Variants in ARPC2 observed in about 807,000 individuals in gnomAD.
ARPC2 encodes the protein actin related protein 2/3 complex subunit 2, also known as actin-related protein 2/3 complex subunit 2.
Under a neutral mutation model 38.6 loss-of-function variants are expected in ARPC2, and 4 were observed. That is an observed-to-expected ratio of 0.10 (90% CI 0.05 to 0.24). The LOEUF is 0.24. ARPC2 is among the 10% of genes least tolerant of loss of function. The pLI, the probability that ARPC2 is intolerant of heterozygous loss-of-function variation, is 1.00. For missense variants in ARPC2, 229 were observed against 387.3 expected (o/e 0.59, Z 3.43); for synonymous variants, 125 against 140.8 (o/e 0.89, Z 0.79).
rs1689274380 is a variant in ARPC2, at chr2:218,217,368, C to T, written c.-8-95C>T. On this transcript the variant is annotated intron_variant, in intron 1 of 10. Coordinates refer to ENST00000315717, the MANE Select transcript of ARPC2 (RefSeq NM_152862.3). Reference sequence around the variant, plus strand: ...CTTCTCCCCTAACCTCCTACCCCACCCAGCCCCACTCAGGGGGCAGCAGGG... The same window carrying T: ...CTTCTCCCCTAACCTCCTACCCCACTCAGCCCCACTCAGGGGGCAGCAGGG... 9.4e-6 allele frequency: 11 copies of T among 1,164,798 alleles called. No homozygotes were observed. In the East Asian group the frequency reaches 1.6e-4, roughly 17 times the overall value. The allele number at this position is 1,164,798 out of a possible 1,614,324, so 72.2% of individuals were successfully genotyped here.
intron 5 of ARPC2, 74 bp from the exon 6 acceptor site, chr2:218,238,590 C>CTT (rs34654904): frequency 0.019 from 8,004 of 424,324 alleles, 200 homozygotes; most frequent in African/African-American, 0.092. Flanking sequence ...TAGTATGCTG[C>CTT]TTTTTTTTTT....
chr2:218,228,352 G>A (rs889525237), intron 3 of ARPC2, among the ~76,000 whole-genome samples: 4 of 151,614 alleles, frequency 2.6e-5, no homozygotes, highest in East Asian at 1.9e-4. Context: ...GCAGTGAGCC[G>A]AGACCACACC....
chr2:218,228,500 C>T (rs990924184), intron 3 of ARPC2, among the ~76,000 whole-genome samples: 33 of 152,194 alleles, frequency 2.2e-4, no homozygotes, highest in African/African-American at 7.5e-4. Flanking sequence ...ATTTCAGCAC[C>T]AAGCTGTGAT....
At chr2:218,248,229 A>C (rs1331720730) in intron 8 of ARPC2, among the ~76,000 whole-genome samples, 1 of 152,246 alleles carries the variant, frequency 6.6e-6, no homozygotes, top group Non-Finnish European at 1.5e-5. Context: ...GATTCTTTGA[A>C]GTATAGTTGT....
At chr2:218,248,973 T>C (rs1690114378) in intron 8 of ARPC2, among the ~76,000 whole-genome samples, 2 of 152,228 alleles carry the variant, frequency 1.3e-5, no homozygotes, top group Non-Finnish European at 2.9e-5. Context: ...GCAGCTGCAT[T>C]TCCTAATCCT....
chr2:218,220,270 TG>T (rs1559474136), intron 2 of ARPC2, among the ~76,000 whole-genome samples: 1 of 152,130 alleles, frequency 6.6e-6, no homozygotes, highest in Non-Finnish European at 1.5e-5. Flanking sequence ...AATAAACCGA[TG>T]GGGGAAATTA....
chr2:218,221,830 A>G (rs941060235), intron 2 of ARPC2, among the ~76,000 whole-genome samples: 7 of 152,166 alleles, frequency 4.6e-5, no homozygotes, highest in Non-Finnish European at 7.4e-5. Context: ...CTATTTTTTT[A>G]GGCTTTGCTC....
intron 2 of ARPC2, among the ~76,000 whole-genome samples, chr2:218,221,232 T>TG (rs995468927): frequency 1.3e-5 from 2 of 151,968 alleles, no homozygotes; most frequent in African/African-American, 4.8e-5. Flanking sequence ...TGTGGTTCCA[T>TG]GGGGGGGAGT....
intron 5 of ARPC2, chr2:218,235,598 T>C (rs1689750697): frequency 6.6e-6 from 1 of 151,934 alleles, no homozygotes; most frequent in East Asian, 1.9e-4. Context: ...AATCAAGGTA[T>C]TAAAAGAAAG....
intron 3 of ARPC2, among the ~76,000 whole-genome samples, chr2:218,227,872 A>G (rs1175245586): frequency 9.2e-5 from 14 of 152,202 alleles, no homozygotes. Context: ...GGCTGGGTTA[A>G]CAGGCTTGAG....
At chr2:218,225,095 T>A (rs1261220520) in intron 2 of ARPC2, among the ~76,000 whole-genome samples, 1 of 152,212 alleles carries the variant, frequency 6.6e-6, no homozygotes. Context: ...GGACTTCAGG[T>A]CTGTTCTTGT....
chr2:218,250,059 A>G, intron 10 of ARPC2, 138 bp downstream of exon 10: 1 of 685,376 alleles, frequency 1.5e-6, no homozygotes, highest in Non-Finnish European at 2.4e-6. Flanking sequence ...TAGATAAACC[A>G]AAGGTGGGAT....
intron 10 of ARPC2, among the ~76,000 whole-genome samples, chr2:218,252,278 CTG>C (rs1690210497): frequency 6.6e-6 from 1 of 152,216 alleles, no homozygotes; most frequent in Non-Finnish European, 1.5e-5. Flanking sequence ...AGGCCTGTCT[CTG>C]TAGCAGCTCA....
intron 10 of ARPC2, among the ~76,000 whole-genome samples, chr2:218,252,503 G>A (rs1281315331): frequency 6.6e-6 from 1 of 152,102 alleles, no homozygotes; most frequent in Non-Finnish European, 1.5e-5. Flanking sequence ...TTTCTCACCG[G>A]GTACTTGTTT....
chr2:218,240,287 G>C (rs765500591), intron 7 of ARPC2, among the ~76,000 whole-genome samples: 20 of 152,116 alleles, frequency 1.3e-4, no homozygotes, highest in Non-Finnish European at 2.5e-4. Context: ...AGTTTTGCAG[G>C]ACAGAACTAA....
intron 5 of ARPC2, 85 bp downstream of exon 5, chr2:218,234,482 C>T (rs914760784): frequency 1.5e-5 from 16 of 1,076,286 alleles, no homozygotes; most frequent in South Asian, 2.9e-5. Context: ...CAAAGGATTT[C>T]GTTTAAATAT....
chr2:218,230,466 T>G (rs1048374081), intron 4 of ARPC2, among the ~76,000 whole-genome samples: 2 of 151,416 alleles, frequency 1.3e-5, no homozygotes, highest in Non-Finnish European at 2.9e-5. Context: ...TTATTTTTTG[T>G]TTGTTTGTTC....
Position 218,238,752 on chromosome 2 carries a change from T to C in ARPC2, c.357T>C (p.Asn119=). The C allele has an allele frequency of 1.9e-6, 3 of 1,613,988 alleles. No individual in the cohort carries two copies. Among genetic ancestry groups the C allele is most frequent in the Non-Finnish European group, 2.5e-6 (3 of 1,179,952 alleles). Residue 119 remains asparagine, a synonymous_variant, in exon 6 of 11, where the codon AAT becomes AAC. Transcript: ENST00000315717. The part of the protein sequence containing the change: ...IVHQAGMLKR[N]CFASVFEKYF... The stretch of plus-strand genomic sequence containing the variant: ...ATCAAGCTGGCATGTTGAAGCGAAA[T>C]TGTTTTGCCTCTGTCTTTGAAAAAT...
chr2:218,242,111 C>G (rs928443156), intron 7 of ARPC2, among the ~76,000 whole-genome samples: 34 of 152,156 alleles, frequency 2.2e-4, no homozygotes, highest in African/African-American at 8.0e-4. Flanking sequence ...CCAGCCTGAT[C>G]AGAATTCAAG....
Sources: allele counts gnomAD v4.1 joint callset (sites outside exome capture counted in the v4.1 genomes callset), GRCh38; gene constraint gnomAD v4.1.1; transcripts MANE v1.5; gene names NCBI Gene and HGNC (gene_info 2026-07-23, HGNC 2026-07-21).